CFAP299: variants seen among roughly 807,000 people sequenced by gnomAD.
CFAP299 encodes the protein cilia- and flagella-associated protein 299.
CFAP299 carries 21 observed loss-of-function variants against 27.0 expected under a neutral mutation model. The ratio of observed to expected loss-of-function variants is 0.78; its 90% CI spans 0.55 to 1.12. The LOEUF (loss-of-function observed/expected upper bound fraction) is 1.12. Among genes scored for constraint, CFAP299 ranks in the 50% most tolerant of loss-of-function variants. The pLI is 0.00. For missense variants in CFAP299, 310 were observed against 276.6 expected (o/e 1.12, Z -0.86); for synonymous variants, 104 against 98.1 (o/e 1.06, Z -0.36).
chr4:80,955,042 A>C lies in CFAP299; in HGVS notation c.607-8475A>C, dbSNP rs1307599362. Reference sequence around the variant, plus strand: ...AAAAAAAAAAAAAAAAAACGCACACATGGCCATATACAGAGTAGTATAATT... The same window carrying C: ...AAAAAAAAAAAAAAAAAACGCACACCTGGCCATATACAGAGTAGTATAATT... On this transcript the variant is annotated intron_variant, in intron 5 of 5. Transcript: ENST00000358105. Among the ~76,000 whole-genome samples the C allele has an allele frequency of 1.7e-4, 23 of 135,566 alleles. 1 individual carries two copies. Among genetic ancestry groups the C allele is most frequent in the East Asian group, 7.2e-4 (3 of 4,166 alleles). The allele number at this position is 135,566 out of a possible 152,430, so 88.9% of individuals were successfully genotyped here.
intron 3 of CFAP299, among the ~76,000 whole-genome samples, chr4:80,640,552 T>A (rs1003207635): frequency 1.3e-5 from 2 of 152,168 alleles, no homozygotes; most frequent in African/African-American, 4.8e-5. Flanking sequence ...AGCCCCAAAT[T>A]CCTCTTCATA....
intron 3 of CFAP299, among the ~76,000 whole-genome samples, chr4:80,674,399 T>C (rs1395854888): frequency 6.6e-6 from 1 of 152,230 alleles, no homozygotes; most frequent in Admixed American, 6.5e-5. Context: ...CTGCTATTAG[T>C]CTGATGGTCT....
intron 3 of CFAP299, among the ~76,000 whole-genome samples, chr4:80,769,168 T>A (rs1560741987): frequency 6.6e-6 from 1 of 152,314 alleles, no homozygotes; most frequent in Non-Finnish European, 1.5e-5. Flanking sequence ...AAATACATCT[T>A]GTTTAGTGCT....
chr4:80,938,886 A>G (rs1243522692), intron 4 of CFAP299, among the ~76,000 whole-genome samples: 1 of 152,116 alleles, frequency 6.6e-6, no homozygotes, highest in African/African-American at 2.4e-5. Context: ...TATCTCTCCT[A>G]CATTTTTTAT....
chr4:80,417,188 G>A (rs1368663648), intron 2 of CFAP299, among the ~76,000 whole-genome samples: 1 of 152,170 alleles, frequency 6.6e-6, no homozygotes, highest in African/African-American at 2.4e-5. Context: ...CTGTCATGGC[G>A]CTGGTGGGGG....
chr4:80,935,707 T>A (rs2110222698), intron 4 of CFAP299, among the ~76,000 whole-genome samples: 1 of 152,124 alleles, frequency 6.6e-6, no homozygotes. Flanking sequence ...AAATAAAAAA[T>A]TGACAAATGG....
intron 3 of CFAP299, among the ~76,000 whole-genome samples, chr4:80,828,494 C>T (rs1730115764): frequency 6.6e-6 from 1 of 152,016 alleles, no homozygotes; most frequent in East Asian, 1.9e-4. Context: ...ATGCTGGAGG[C>T]AGGGCTTGGT....
At chr4:80,898,718 C>T (rs967792644) in intron 4 of CFAP299, among the ~76,000 whole-genome samples, 4 of 152,000 alleles carry the variant, frequency 2.6e-5, no homozygotes, top group African/African-American at 9.7e-5. Flanking sequence ...CTCTGTAATC[C>T]AGGAAGGCAT....
At chr4:80,809,317 G>A (rs185319368) in intron 3 of CFAP299, among the ~76,000 whole-genome samples, 85 of 152,242 alleles carry the variant, frequency 5.6e-4, no homozygotes, top group Non-Finnish European at 7.5e-4. Context: ...CTTCGGGTGG[G>A]AACAGGAGAA....
At chr4:80,390,716 C>T (rs1253232545) in intron 2 of CFAP299, among the ~76,000 whole-genome samples, 3 of 135,008 alleles carry the variant, frequency 2.2e-5, no homozygotes, top group Non-Finnish European at 4.7e-5. Context: ...TATATGTATA[C>T]ACACATACAT....
chr4:80,418,945 G>A lies in CFAP299; in HGVS notation c.242+56061G>A, dbSNP rs538549535. On this transcript the variant is annotated intron_variant, in intron 2 of 5. Coordinates refer to ENST00000358105, the MANE Select transcript of CFAP299 (RefSeq NM_152770.3). ...TAACTTGGCCATTGTTAATGGCACT[G>A]TGATAAGCATGGGAGTGCAGATATC... Among the ~76,000 whole-genome samples, 8 of 152,274 alleles carry A rather than the reference G, an allele frequency of 5.3e-5. 2 individuals are homozygous for A. Among genetic ancestry groups the A allele is most frequent in the African/African-American group, 1.9e-4 (8 of 41,546 alleles).
chr4:80,829,708 CA>C (rs1730192928), intron 3 of CFAP299, among the ~76,000 whole-genome samples: 1 of 151,926 alleles, frequency 6.6e-6, no homozygotes, highest in Admixed American at 6.6e-5. Flanking sequence ...AGTGGATAAA[CA>C]AAATACGGTA....
intron 3 of CFAP299, among the ~76,000 whole-genome samples, chr4:80,679,592 C>G (rs1719699377): frequency 6.6e-6 from 1 of 151,640 alleles, no homozygotes; most frequent in South Asian, 2.1e-4. Flanking sequence ...AATATTATCA[C>G]TTTTTTAAAA....
chr4:80,844,911 C>T (rs1731086210), intron 3 of CFAP299, among the ~76,000 whole-genome samples: 2 of 152,072 alleles, frequency 1.3e-5, no homozygotes, highest in African/African-American at 4.8e-5. Flanking sequence ...GCCTTTAATC[C>T]ATCTTGAATT....
chr4:80,690,837 C>T (rs147155498), intron 3 of CFAP299, among the ~76,000 whole-genome samples: 105,047 of 147,734 alleles, frequency 0.71, 40,245 homozygotes, highest in Non-Finnish European at 0.85. Context: ...ATCAAATAGA[C>T]GCAATAAAAA....
At chr4:80,936,802 T>A (rs1406144187) in intron 4 of CFAP299, among the ~76,000 whole-genome samples, 2 of 151,786 alleles carry the variant, frequency 1.3e-5, no homozygotes, top group Non-Finnish European at 2.9e-5. Flanking sequence ...AATAAAAAAA[T>A]AAAAAATAAA....
rs147784832 is a variant in CFAP299 at position 80,493,140 on chromosome 4, A to T, written c.243-89953A>T. On this transcript the variant is annotated intron_variant, in intron 2 of 5. Transcript: ENST00000358105. ...TTAAGGTGTATAAGGTGTATATAAT[A>T]GTTATAGTTATCCTCTTTAACTGCA... 6.3e-3 allele frequency among the ~76,000 whole-genome samples: 959 copies of T among 152,330 alleles called. 8 individuals are homozygous for T. The highest frequency in any genetic ancestry group is 0.02 in the Middle Eastern group (6 of 294).
At chr4:80,338,640 G>T (rs1383303177) in intron 1 of CFAP299, among the ~76,000 whole-genome samples, 1 of 152,142 alleles carries the variant, frequency 6.6e-6, no homozygotes, top group Non-Finnish European at 1.5e-5. Flanking sequence ...TATTTATCCA[G>T]CCACCTTTTT....
intron 3 of CFAP299, among the ~76,000 whole-genome samples, chr4:80,751,961 C>T (rs570681779): frequency 6.6e-6 from 1 of 152,298 alleles, no homozygotes; most frequent in South Asian, 2.1e-4. Context: ...GTATGTAAAA[C>T]TTCTCAGTTT....
Sources: allele counts gnomAD v4.1 joint callset (sites outside exome capture counted in the v4.1 genomes callset), GRCh38; gene constraint gnomAD v4.1.1; transcripts MANE v1.5; gene names NCBI Gene and HGNC (gene_info 2026-07-23, HGNC 2026-07-21).